The following KAT6B variants were observed in gnomAD, a reference collection of about 807,000 sequenced individuals.
KAT6B encodes lysine acetyltransferase 6B, also known as histone acetyltransferase KAT6B.
In KAT6B, 10 loss-of-function variants were observed where a neutral mutation model predicts 187.5. That is an observed-to-expected ratio of 0.05 (90% CI 0.03 to 0.09). KAT6B has a LOEUF of 0.09. Ranked by LOEUF, KAT6B falls within the 10% of genes least tolerant of loss-of-function variation. The probability of loss-of-function intolerance (pLI) is 1.00; values close to 1 mark genes in which losing one functional copy is unlikely to be tolerated. For synonymous variants in KAT6B, 861 were observed against 926.8 expected (o/e 0.93, Z 1.29); for missense variants, 1,952 against 2,558.9 (o/e 0.76, Z 5.12).
intron 13 of KAT6B, among the ~76,000 whole-genome samples, chr10:75,004,669 A>G (rs1844080101): frequency 6.6e-6 from 1 of 152,102 alleles, no homozygotes; most frequent in Non-Finnish European, 1.5e-5. Context: ...TTTTCCATTT[A>G]CCCAGTTAAG....
Position 74,981,793 on chromosome 10 carries a change from A to C in KAT6B, c.2238A>C (p.Pro746=), listed in dbSNP as rs1317142041. 9 of 1,528,192 alleles carry C rather than the reference A, an allele frequency of 5.9e-6. No homozygotes were observed. The highest frequency in any genetic ancestry group is 8.2e-6 in the Non-Finnish European group (9 of 1,102,834). The allele number at this position is 1,528,192 out of a possible 1,614,324, so 94.7% of individuals were successfully genotyped here. ...SPYPQEYARL[P]KLYLCEFCLK... ...GATTTTTAAACTTTAACAGATTACCAAAGCTTTACCTGTGTGAATTCTGTC... is the reference window on the plus strand; with the variant it reads ...GATTTTTAAACTTTAACAGATTACCCAAGCTTTACCTGTGTGAATTCTGTC... Residue 746 remains proline (P), a synonymous_variant, in exon 11 of 18, where the codon CCA becomes CCC. Transcript: ENST00000287239.
At chr10:74,980,740 T>A (rs1409028874) in intron 10 of KAT6B, among the ~76,000 whole-genome samples, 1 of 152,218 alleles carries the variant, frequency 6.6e-6, no homozygotes, top group Non-Finnish European at 1.5e-5. Flanking sequence ...TTCATTAAGA[T>A]ATGGAAATAA....
chr10:75,030,825 A>C lies in KAT6B; in HGVS notation c.6001A>C (p.Met2001Leu). 1 of 1,614,254 alleles carries C rather than the reference A, an allele frequency of 6.2e-7. No homozygotes were observed. Among genetic ancestry groups the C allele is most frequent in the Non-Finnish European group, 8.5e-7 (1 of 1,180,036 alleles). ...AMNGYSMSQP[M>L]MNSGYHSNHG... Reference sequence around the variant, plus strand: ...GAATGGGTACAGCATGTCCCAGCCAATGATGAACAGTGGCTACCACAGCAA... The same window carrying C: ...GAATGGGTACAGCATGTCCCAGCCACTGATGAACAGTGGCTACCACAGCAA... Residue 2001 changes from methionine to leucine, a missense_variant, in exon 18 of 18, where the codon ATG becomes CTG. Physicochemically the swap from Met to Leu is conservative, Grantham distance 15. Coordinates refer to ENST00000287239, the MANE Select transcript of KAT6B (RefSeq NM_012330.4). This position sits in a 1 kb window ranked among gnomAD's most constrained non-coding sequence, Gnocchi z 4.8.
chr10:75,014,014 G>A (rs983873452), intron 13 of KAT6B, among the ~76,000 whole-genome samples: 1 of 152,192 alleles, frequency 6.6e-6, no homozygotes, highest in Non-Finnish European at 1.5e-5. Context: ...AGTGCACATG[G>A]TCTCAAAGTA....
intron 3 of KAT6B, among the ~76,000 whole-genome samples, chr10:74,931,938 C>G (rs901174127): frequency 6.6e-6 from 1 of 151,948 alleles, no homozygotes; most frequent in Admixed American, 6.6e-5. Flanking sequence ...TCTCAAACTC[C>G]CGATCTCAAG....
chr10:74,976,348 G>T lies in KAT6B; in HGVS notation c.1993+18G>T. On this transcript the variant is annotated intron_variant, in intron 8 of 17. Transcript: ENST00000287239. ...GGATGATGGTAAGCAAAAGGTCAAA[G>T]CTCCAACCAAACCTGCGTCCCGTCC... 1.2e-6 allele frequency: 2 copies of T among 1,604,532 alleles called. No homozygotes were observed. Among genetic ancestry groups the T allele is most frequent in the South Asian group, 1.1e-5 (1 of 90,980 alleles).
intron 1 of KAT6B, among the ~76,000 whole-genome samples, chr10:74,838,079 A>G (rs1318860815): frequency 2.0e-5 from 3 of 152,126 alleles, no homozygotes; most frequent in Admixed American, 6.5e-5. Context: ...GTTCTTTTAA[A>G]TTTATTTTTT....
intron 1 of KAT6B, among the ~76,000 whole-genome samples, chr10:74,830,770 T>G (rs7089452): frequency 1.0e-4 from 1 of 9,630 alleles, no homozygotes; most frequent in Non-Finnish European, 2.1e-4. Flanking sequence ...ATATATATAT[T>G]TTTTTTTTTT....
chr10:74,969,737 A>G lies in KAT6B; in HGVS notation c.808A>G (p.Lys270Glu). The change falls in exon 5 of 18, where the codon AAG becomes GAG. Residue 270 changes from lysine (K) to glutamate (E), a missense_variant. Coordinates refer to ENST00000287239, the MANE Select transcript of KAT6B (RefSeq NM_012330.4). The stretch of plus-strand genomic sequence containing the variant: ...CTTAAGGTGGCAGTGCATCGAATGC[A>G]AGACATGCAGTGCCTGTAGAGTCCA... The part of the protein sequence containing the change: ...KALRWQCIEC[K>E]TCSACRVQGR... 1.2e-6 allele frequency: 2 copies of G among 1,614,074 alleles called. No homozygotes were observed. The highest frequency in any genetic ancestry group is 1.7e-6 in the Non-Finnish European group (2 of 1,179,908).
At chr10:74,922,084 C>G (rs1221255204) in intron 3 of KAT6B, among the ~76,000 whole-genome samples, 1 of 152,210 alleles carries the variant, frequency 6.6e-6, no homozygotes, top group Non-Finnish European at 1.5e-5. Context: ...AAGAACAGCA[C>G]GTTAGTATTA....
chr10:74,898,782 C>G (rs999485456), intron 3 of KAT6B, among the ~76,000 whole-genome samples: 1 of 151,500 alleles, frequency 6.6e-6, no homozygotes, highest in African/African-American at 2.4e-5. Context: ...CAGTCACCTT[C>G]AGTTTCAAAT....
At chr10:74,956,182 A>G (rs964440520) in intron 3 of KAT6B, among the ~76,000 whole-genome samples, 1 of 152,200 alleles carries the variant, frequency 6.6e-6, no homozygotes, top group African/African-American at 2.4e-5. Flanking sequence ...TCAAGAGTAC[A>G]GAAAAGTTGT....
At chr10:74,836,858 C>T (rs1323756770) in intron 1 of KAT6B, among the ~76,000 whole-genome samples, 2 of 152,028 alleles carry the variant, frequency 1.3e-5, no homozygotes, top group Non-Finnish European at 2.9e-5. Flanking sequence ...CAACAGTGAT[C>T]CCTTTGGGGA....
chr10:74,887,891 C>T (rs549737295), intron 3 of KAT6B, among the ~76,000 whole-genome samples: 1 of 152,084 alleles, frequency 6.6e-6, no homozygotes, highest in Non-Finnish European at 1.5e-5. Flanking sequence ...AATTCCAGTG[C>T]TTTGGGCTGA....
Position 75,028,889 on chromosome 10 carries a change from G to A in KAT6B, c.4065G>A (p.Glu1355=). The change falls in exon 18 of 18, where the codon GAG becomes GAA. Residue 1355 remains glutamate (E), a synonymous_variant. Transcript: ENST00000287239. The part of the protein sequence containing the change: ...DDLIKPEEEE[E]EEEEEEEEEE... Reference sequence around the variant, plus strand: ...TCATCAAACCTGAGGAAGAGGAAGAGGAGGAGGAGGAGGAAGAGGAAGAAG... The same window carrying A: ...TCATCAAACCTGAGGAAGAGGAAGAAGAGGAGGAGGAGGAAGAGGAAGAAG... 1 of 1,591,200 alleles carries A rather than the reference G, an allele frequency of 6.3e-7. No homozygotes were observed. Among genetic ancestry groups the A allele is most frequent in the South Asian group, 1.1e-5 (1 of 90,112 alleles).
At chr10:74,887,476 C>G (rs1320124163) in intron 3 of KAT6B, among the ~76,000 whole-genome samples, 1 of 152,148 alleles carries the variant, frequency 6.6e-6, no homozygotes, top group East Asian at 1.9e-4. Context: ...AGGCACATGC[C>G]ACCATGCCCA....
intron 3 of KAT6B, among the ~76,000 whole-genome samples, chr10:74,849,924 C>T (rs1468683416): frequency 2.0e-5 from 3 of 150,532 alleles, no homozygotes; most frequent in African/African-American, 7.3e-5. Flanking sequence ...GGGCAGTACA[C>T]TGGTCAACAG....
chr10:74,845,174 G>A lies in KAT6B; in HGVS notation c.621+1696G>A, dbSNP rs1469693192. 2.6e-5 allele frequency among the ~76,000 whole-genome samples: 4 copies of A among 151,684 alleles called. No individual in the cohort carries two copies. The South Asian group carries it at 8.3e-4, about 32-fold the overall frequency. The stretch of plus-strand genomic sequence containing the variant: ...GTAGAGGCTGCAGTGAGCCTTGATT[G>A]TACTCCAGCCTGGGTGATAGAGTGA... On this transcript the variant is annotated intron_variant, in intron 3 of 17. Coordinates refer to ENST00000287239, the MANE Select transcript of KAT6B (RefSeq NM_012330.4).
chr10:75,026,611 C>A (rs1845856237), intron 17 of KAT6B, among the ~76,000 whole-genome samples: 1 of 151,826 alleles, frequency 6.6e-6, no homozygotes. Flanking sequence ...ATAGAGAAAC[C>A]AAGCCTTATT....
Sources: gnomAD v4.1 joint callset for allele counts (sites outside exome capture counted in the v4.1 genomes callset) on GRCh38, gnomAD v4.1.1 for gene constraint, Gnocchi (gnomAD v3.1) non-coding constraint, MANE v1.5 for transcripts, NCBI Gene and HGNC (gene_info 2026-07-23, HGNC 2026-07-21) for gene names.